Variants in RALGDS observed in about 807,000 individuals in gnomAD.
The protein encoded by RALGDS is ral guanine nucleotide exchange factor.
Under a neutral mutation model 99.8 loss-of-function variants are expected in RALGDS, and 44 were observed. The observed-to-expected ratio is 0.44, with a 90% CI of 0.35 to 0.57. The LOEUF is 0.57. RALGDS is among the 20% of genes least tolerant of loss of function. The pLI, the probability that RALGDS is intolerant of heterozygous loss-of-function variation, is 0.01. For synonymous variants in RALGDS, 529 were observed against 505.0 expected (o/e 1.05, Z -0.64); for missense variants, 1,022 against 1,203.1 (o/e 0.85, Z 2.23).
intron 1 of RALGDS, 131 bp downstream of exon 1, chr9:133,120,841 G>T: frequency 9.5e-7 from 1 of 1,049,278 alleles, no homozygotes; most frequent in Non-Finnish European, 1.3e-6. Context: ...CCCCACCTAT[G>T]GAGGAGAGAG....
At chr9:133,123,725 GAGACAC>G (rs1261011213), upstream of RALGDS, among the ~76,000 whole-genome samples, 1 of 41,656 alleles carries the variant, frequency 2.4e-5, no homozygotes, top group Non-Finnish European at 6.6e-5. Context: ...TGCACACACA[GAGACAC>G]ACACATAGAG....
In RALGDS at chr9:133,121,184, G is replaced by C; in HGVS notation, c.-30C>G. On this transcript the variant is annotated 5_prime_UTR_variant, in exon 1 of 18. Transcript: ENST00000372050. ...GGCTCGCAGCGCGGGCGCGGGGCCG[G>C]CCCGGCGCGCGGCGGGGGCGGCGGC... 2 of 921,018 alleles carry C rather than the reference G, an allele frequency of 2.2e-6. No individual in the cohort carries two copies. Among genetic ancestry groups the C allele is most frequent in the Non-Finnish European group, 2.6e-6 (2 of 763,312 alleles). 57.1% of individuals were successfully genotyped at this position (921,018 alleles called of 1,614,324 possible).
chr9:133,142,521 T>G (rs1832540684), intron 1 of RALGDS, among the ~76,000 whole-genome samples: 1 of 152,030 alleles, frequency 6.6e-6, no homozygotes, highest in Non-Finnish European at 1.5e-5. Flanking sequence ...GGCTTGTCAT[T>G]CTTAGGGGGA....
At chr9:133,129,753 G>GC (rs1022210138) in intron 1 of RALGDS, among the ~76,000 whole-genome samples, 7 of 151,764 alleles carry the variant, frequency 4.6e-5, no homozygotes, top group Non-Finnish European at 8.8e-5. Flanking sequence ...AGGCTTCCCT[G>GC]CCCCCTAGAC....
intron 1 of RALGDS, among the ~76,000 whole-genome samples, chr9:133,116,948 C>T (rs370812712): frequency 2.6e-5 from 4 of 152,374 alleles, no homozygotes; most frequent in Admixed American, 6.5e-5. Flanking sequence ...AGGATTTCCT[C>T]AGGTCACACA....
intron 1 of RALGDS, among the ~76,000 whole-genome samples, chr9:133,146,194 C>T (rs75337287): frequency 1.4e-4 from 13 of 96,146 alleles, no homozygotes; most frequent in South Asian, 2.7e-4. Flanking sequence ...TTTGTTTGTT[C>T]GTTTGTTTAT....
chr9:133,111,977 A>G, intron 2 of RALGDS, 65 bp downstream of exon 2: 1 of 1,242,472 alleles, frequency 8.0e-7, no homozygotes. Flanking sequence ...GGGGGCCCTC[A>G]AGTGAAAAAG....
chr9:133,103,808 T>C lies in RALGDS; in HGVS notation c.1697A>G (p.Tyr566Cys). 1 of 1,613,118 alleles carries C rather than the reference T, an allele frequency of 6.2e-7. No individual in the cohort carries two copies. The highest frequency in any genetic ancestry group is 8.5e-7 in the Non-Finnish European group (1 of 1,179,870). ...ETGIIQGTVP[Y>C]LGTFLTDLVM... ...CAGGTCGGTGAGGAACGTGCCCAGGTAGGGAACGGTGCCCTGGATGATGCC... is the reference window on the plus strand; with the variant it reads ...CAGGTCGGTGAGGAACGTGCCCAGGCAGGGAACGGTGCCCTGGATGATGCC... The change falls in exon 11 of 18, where the codon TAC (tyrosine) becomes TGC (cysteine). Residue 566 changes from tyrosine to cysteine, a missense_variant. Transcript: ENST00000372050.
intron 1 of RALGDS, among the ~76,000 whole-genome samples, chr9:133,146,254 C>T (rs1375023015): frequency 6.6e-6 from 1 of 152,170 alleles, no homozygotes; most frequent in Non-Finnish European, 1.5e-5. Context: ...GTGGCATGAT[C>T]TTGGCTCACT....
chr9:133,101,639 CAG>C lies in RALGDS; in HGVS notation c.2333_2334del (p.Ser778CysfsTer46). 1.2e-6 allele frequency: 2 copies of C among 1,613,836 alleles called. No individual in the cohort carries two copies. Among genetic ancestry groups the C allele is most frequent in the Non-Finnish European group, 1.7e-6 (2 of 1,180,042 alleles). ...GAGCTGGAGTTGCAGAGCCCTGAGACAGAGCGCTTGTGGGTGCGTGTGGCAGC... is the reference window on the plus strand; with the variant it reads ...GAGCTGGAGTTGCAGAGCCCTGAGACAGCGCTTGTGGGTGCGTGTGGCAGC... ...PVAATRTHKR[S>X]VSGLCNSSSA... On this transcript the variant is annotated frameshift_variant, in exon 16 of 18. Transcript: ENST00000372050. LOFTEE classifies it high-confidence loss of function.
chr9:133,113,336 G>A (rs1831439235), intron 1 of RALGDS, among the ~76,000 whole-genome samples: 1 of 152,186 alleles, frequency 6.6e-6, no homozygotes, highest in African/African-American at 2.4e-5. Flanking sequence ...GCATGCTGTG[G>A]ACGGGACCCT....
chr9:133,115,121 G>A (rs1831534394), intron 1 of RALGDS, among the ~76,000 whole-genome samples: 2 of 152,322 alleles, frequency 1.3e-5, no homozygotes, highest in Admixed American at 6.5e-5. Context: ...TGAGGGTCTT[G>A]AGGAACCCTA....
upstream of RALGDS, among the ~76,000 whole-genome samples, chr9:133,124,147 C>G (rs554426102): frequency 3.4e-5 from 5 of 146,234 alleles, no homozygotes; most frequent in Admixed American, 1.4e-4. Context: ...CACACACACA[C>G]AGAGACACAT....
chr9:133,102,267 C>T, intron 14 of RALGDS, 128 bp from the exon 15 acceptor site: 1 of 1,160,094 alleles, frequency 8.6e-7, no homozygotes, highest in South Asian at 1.4e-5. Context: ...TTCACCACAG[C>T]CATCTGGGAG....
chr9:133,115,629 C>G (rs927238560), intron 1 of RALGDS, among the ~76,000 whole-genome samples: 3 of 152,220 alleles, frequency 2.0e-5, no homozygotes, highest in Non-Finnish European at 4.4e-5. Context: ...CTACCTGTCA[C>G]AGGCAACAGT....
rs775655923 is a variant in RALGDS, at chr9:133,103,224, G to A, written c.1791+6C>T. The A allele has an allele frequency of 3.7e-6, 6 of 1,613,900 alleles. No homozygotes were observed. Among genetic ancestry groups the A allele is most frequent in the East Asian group, 2.2e-5 (1 of 44,884 alleles). On this transcript the variant is annotated splice_donor_region_variant and intron_variant, in intron 12 of 17. Transcript: ENST00000372050. Reference sequence around the variant, plus strand: ...CCCCAAGTCAGGGCTGCCTGCAGCTGCTTACCTTCCTCCTCTTCTCAAAGT... The same window carrying A: ...CCCCAAGTCAGGGCTGCCTGCAGCTACTTACCTTCCTCCTCTTCTCAAAGT...
In RALGDS at chr9:133,097,873, C is replaced by T. The variant is rs942628055; in HGVS notation, c.*714G>A. On this transcript the variant is annotated 3_prime_UTR_variant, in exon 18 of 18. Coordinates refer to ENST00000372050, the MANE Select transcript of RALGDS (RefSeq NM_006266.4). ...CAATCACCCCACCCCCACCCCAAAT[C>T]CTCCTTCCTCACTAACCCCCGTCTT... The T allele has an allele frequency of 9.3e-6, 2 of 215,970 alleles. No homozygotes were observed. The highest frequency in any genetic ancestry group is 4.5e-5 in the African/African-American group (2 of 44,020). 13.4% of individuals were successfully genotyped at this position (215,970 alleles called of 1,614,324 possible).
At chr9:133,139,639 CG>C (rs1832487006) in intron 1 of RALGDS, among the ~76,000 whole-genome samples, 1 of 152,158 alleles carries the variant, frequency 6.6e-6, no homozygotes, top group African/African-American at 2.4e-5. Flanking sequence ...CTCGCCTCCT[CG>C]GGGCCGTAGT....
rs1475702247 is a variant in RALGDS at position 133,108,833 on chromosome 9, G to C, written c.618C>G (p.Asp206Glu). 1 of 1,613,056 alleles carries C rather than the reference G, an allele frequency of 6.2e-7. No homozygotes were observed. Among genetic ancestry groups the C allele is most frequent in the Admixed American group, 1.7e-5 (1 of 60,014 alleles). ...AISSILGTWL[D>E]QYSEDFCQPP... is the part of the protein sequence containing the mutation. ...GTTGACAGAAATCCTCCGAGTACTG[G>C]TCCAGCCAGGTGCCCAGGATGGAGG... The change falls in exon 5 of 18, where the codon GAC (aspartate) becomes GAG (glutamate). Residue 206 changes from aspartate (D) to glutamate (E), a missense_variant. Physicochemically the swap from Asp to Glu is conservative, Grantham distance 45. Around this residue, in one of 3 missense-constraint regions of RALGDS, gnomAD observed 825 missense variants for 994.5 expected, o/e 0.83. Coordinates refer to ENST00000372050, the MANE Select transcript of RALGDS (RefSeq NM_006266.4).
Sources: allele counts gnomAD v4.1 joint callset (sites outside exome capture counted in the v4.1 genomes callset), GRCh38; gene constraint gnomAD v4.1.1; regional missense constraint gnomAD v4.1.1; transcripts MANE v1.5; gene names NCBI Gene and HGNC (gene_info 2026-07-23, HGNC 2026-07-21).